Variants in TACC2 observed in about 807,000 individuals in gnomAD.
TACC2 encodes the protein transforming acidic coiled-coil-containing protein 2.
Under a neutral mutation model 227.3 loss-of-function variants are expected in TACC2, and 137 were observed. That is an observed-to-expected ratio of 0.60 (90% CI 0.52 to 0.69). The LOEUF (loss-of-function observed/expected upper bound fraction) is 0.69. TACC2 is among the 30% of genes least tolerant of loss of function. The pLI is 0.00. For missense variants in TACC2, 3,470 were observed against 3,694.4 expected (o/e 0.94, Z 1.57); for synonymous variants, 1,523 against 1,487.5 (o/e 1.02, Z -0.55).
chr10:122,101,119 T>C lies in TACC2; in HGVS notation c.5573+12528T>C, dbSNP rs192662364. Among the ~76,000 whole-genome samples, 4 of 152,286 alleles carry C rather than the reference T, an allele frequency of 2.6e-5. No homozygotes were observed. In the East Asian group the frequency reaches 7.7e-4, roughly 29 times the overall value. The stretch of plus-strand genomic sequence containing the variant: ...CAGATTTTCTCATTTGCAGAAGAGA[T>C]TGGGTGTTTTGAGCTGGACAGATCT... On this transcript the variant is annotated intron_variant, in intron 5 of 22. Coordinates refer to ENST00000369005, the MANE Select transcript of TACC2 (RefSeq NM_206862.4).
chr10:122,003,717 G>A (rs1009197925), intron 1 of TACC2, among the ~76,000 whole-genome samples: 16 of 151,682 alleles, frequency 1.1e-4, no homozygotes, highest in African/African-American at 2.2e-4. Flanking sequence ...GTGCAATGGC[G>A]CGATCTGGGC....
chr10:122,116,509 G>A (rs760751472), intron 5 of TACC2, among the ~76,000 whole-genome samples: 3 of 152,200 alleles, frequency 2.0e-5, no homozygotes, highest in Non-Finnish European at 2.9e-5. Context: ...AAGTCGTGAC[G>A]TTGTGAACTG....
intron 20 of TACC2, 119 bp downstream of exon 20, chr10:122,248,922 A>G: frequency 3.3e-6 from 5 of 1,507,130 alleles, no homozygotes; most frequent in Middle Eastern, 3.5e-4. Flanking sequence ...GAGGGGGTCC[A>G]TGCAGGCTGG....
chr10:122,212,482 T>C (rs1430504904), intron 9 of TACC2, among the ~76,000 whole-genome samples: 1 of 152,184 alleles, frequency 6.6e-6, no homozygotes, highest in Non-Finnish European at 1.5e-5. Context: ...CCGGCTCTAA[T>C]GTGGATGGCT....
chr10:122,248,075 T>G (rs1230658432), intron 19 of TACC2: 1 of 153,398 alleles, frequency 6.5e-6, no homozygotes, highest in East Asian at 1.9e-4. Flanking sequence ...GCTCCGTGTT[T>G]CTTGGAGTTA....
chr10:122,026,173 A>T (rs1957981777), intron 2 of TACC2, among the ~76,000 whole-genome samples: 1 of 150,912 alleles, frequency 6.6e-6, no homozygotes, highest in African/African-American at 2.4e-5. Context: ...AAAAAAAAAA[A>T]AAAAATTAGC....
intron 5 of TACC2, among the ~76,000 whole-genome samples, chr10:122,100,638 C>A (rs905803042): frequency 2.6e-5 from 4 of 152,108 alleles, no homozygotes; most frequent in African/African-American, 9.7e-5. Flanking sequence ...GTGGGCCAGG[C>A]TGGTTTCGAA....
At chr10:122,088,870 C>A in intron 5 of TACC2, 2 of 945,134 alleles carry the variant, frequency 2.1e-6, no homozygotes, top group Non-Finnish European at 3.1e-6. Context: ...CCTGTAATCC[C>A]AACACTTTGG....
At position 122,226,387 on chromosome 10, in the gene TACC2, A is replaced by T; in HGVS notation, c.7630A>T (p.Lys2544Ter). ...GCAGCAGGACGACGATGCCCCGAAGAAGCAGGCCTTGTACCTTATGTTTGA... is the reference window on the plus strand; with the variant it reads ...GCAGCAGGACGACGATGCCCCGAAGTAGCAGGCCTTGTACCTTATGTTTGA... ...SLPQDDDAPK[K>*]QALYLMFDTS... is the part of the protein sequence containing the mutation. Residue 2544 changes from lysine to a stop codon, truncating the protein, a stop_gained, in exon 13 of 23, where the codon AAG becomes TAG. Transcript: ENST00000369005. LOFTEE classifies it high-confidence loss of function. 6.2e-7 allele frequency: 1 copy of T among 1,614,066 alleles called. No individual in the cohort carries two copies. Among genetic ancestry groups the T allele is most frequent in the Non-Finnish European group, 8.5e-7 (1 of 1,179,976 alleles).
At chr10:122,164,067 T>C (rs2092999462) in intron 7 of TACC2, 2 of 1,520,548 alleles carry the variant, frequency 1.3e-6, no homozygotes, top group Non-Finnish European at 1.8e-6. Context: ...TAGTGTCGCC[T>C]TTCCTAATGC....
chr10:122,086,271 C>T lies in TACC2; in HGVS notation c.3771C>T (p.Ser1257=). The part of the protein sequence containing the change: ...GAEDSGVKAV[S]SADPRAPGES... ...AAGACAGTGGAGTGAAAGCTGTTTC[C>T]TCTGCAGACCCCAGAGCTCCTGGCG... The change falls in exon 4 of 23, where the codon TCC becomes TCT. Residue 1257 remains serine (S), a synonymous_variant. Transcript: ENST00000369005. 6.2e-7 allele frequency: 1 copy of T among 1,614,028 alleles called. No homozygotes were observed. The highest frequency in any genetic ancestry group is 8.5e-7 in the Non-Finnish European group (1 of 1,180,042).
chr10:122,179,437 C>T (rs1158363077), intron 7 of TACC2, among the ~76,000 whole-genome samples: 1 of 152,206 alleles, frequency 6.6e-6, no homozygotes, highest in East Asian at 1.9e-4. Context: ...AATTATAGCG[C>T]AAGTAAAAAG....
At chr10:122,166,169 C>T (rs1325071187) in intron 7 of TACC2, among the ~76,000 whole-genome samples, 4 of 152,158 alleles carry the variant, frequency 2.6e-5, no homozygotes, top group Admixed American at 1.3e-4. Context: ...TCCTGACAAC[C>T]GGAATCTAGA....
At chr10:122,171,490 C>CACTT in intron 7 of TACC2, among the ~76,000 whole-genome samples, 1 of 152,350 alleles carries the variant, frequency 6.6e-6, no homozygotes, top group East Asian at 1.9e-4. Context: ...ATTCCAGCTT[C>CACTT]ACTTACTCCA....
At chr10:122,241,876 G>A in intron 18 of TACC2, 82 bp from the exon 19 acceptor site, 1 of 1,329,744 alleles carries the variant, frequency 7.5e-7, no homozygotes, top group Non-Finnish European at 1.1e-6. Flanking sequence ...GCTGGACATG[G>A]GTCAGGCTGT....
intron 5 of TACC2, among the ~76,000 whole-genome samples, chr10:122,115,324 T>C (rs1323345230): frequency 1.4e-5 from 2 of 143,018 alleles, no homozygotes; most frequent in African/African-American, 5.1e-5. Flanking sequence ...GTGTGTGAGA[T>C]ACCTGAGCAT....
At chr10:122,250,013 G>T (rs1389541041) in intron 22 of TACC2, among the ~76,000 whole-genome samples, 3 of 152,234 alleles carry the variant, frequency 2.0e-5, no homozygotes, top group Admixed American at 6.5e-5. Context: ...GAGTGGATGG[G>T]GTGCCCACCA....
intron 1 of TACC2, among the ~76,000 whole-genome samples, chr10:122,017,955 CTT>C (rs199883119): frequency 1.2e-4 from 16 of 129,872 alleles, no homozygotes; most frequent in South Asian, 2.4e-4. Flanking sequence ...TAGTGGAATT[CTT>C]TTTTTTTTTT....
At chr10:121,991,533 T>C (rs1424723173) in intron 1 of TACC2, among the ~76,000 whole-genome samples, 1 of 152,244 alleles carries the variant, frequency 6.6e-6, no homozygotes, top group Non-Finnish European at 1.5e-5. Context: ...TCTTTTTTGC[T>C]AATTAATGAA....
Sources: gnomAD v4.1 joint callset for allele counts (sites outside exome capture counted in the v4.1 genomes callset) on GRCh38, gnomAD v4.1.1 for gene constraint, MANE v1.5 for transcripts, NCBI Gene and HGNC (gene_info 2026-07-23, HGNC 2026-07-21) for gene names.